Variants in LARGE1 observed in about 807,000 individuals in gnomAD.
LARGE1 encodes the protein LARGE xylosyl- and glucuronyltransferase 1.
In LARGE1, 43 loss-of-function variants were observed where a neutral mutation model predicts 87.6. The observed-to-expected ratio is 0.49, with a 90% CI of 0.38 to 0.63. The LOEUF is 0.63. Ranked by LOEUF, LARGE1 falls within the 30% of genes least tolerant of loss-of-function variation. LARGE1 has a pLI of 0.00. For synonymous variants in LARGE1, 434 were observed against 394.6 expected (o/e 1.10, Z -1.18); for missense variants, 802 against 1,000.2 (o/e 0.80, Z 2.67).
At chr22:33,891,141 T>C (rs1298732210) in intron 1 of LARGE1, among the ~76,000 whole-genome samples, 1 of 152,086 alleles carries the variant, frequency 6.6e-6, no homozygotes, top group Non-Finnish European at 1.5e-5. Flanking sequence ...GACCCCTCAT[T>C]TGAGAGTCAT....
intron 6 of LARGE1, among the ~76,000 whole-genome samples, chr22:33,527,914 G>A (rs1389521138): frequency 6.6e-6 from 1 of 152,120 alleles, no homozygotes; most frequent in Non-Finnish European, 1.5e-5. Context: ...GAACAACTTT[G>A]GTGCCAATGT....
chr22:33,554,611 G>C (rs1023400975), intron 6 of LARGE1, among the ~76,000 whole-genome samples: 2 of 151,962 alleles, frequency 1.3e-5, no homozygotes, highest in Non-Finnish European at 2.9e-5. Flanking sequence ...ATCCCGCTAC[G>C]GGCCACAGTG....
chr22:33,384,882 C>T lies in LARGE1; in HGVS notation c.893-578G>A, dbSNP rs545758455. On this transcript the variant is annotated intron_variant, in intron 7 of 14. Transcript: ENST00000397394. ...TTTCCCCAGAGATATGACCACCTACCTAGGTTGAGCTGATAGGTGGAATTT... is the reference window on the plus strand; with the variant it reads ...TTTCCCCAGAGATATGACCACCTACTTAGGTTGAGCTGATAGGTGGAATTT... Among the ~76,000 whole-genome samples, 41 of 148,936 alleles carry T rather than the reference C, an allele frequency of 2.8e-4. 2 individuals are homozygous for T. Among genetic ancestry groups the T allele is most frequent in the African/African-American group, 9.7e-4 (40 of 41,110 alleles).
At chr22:33,584,935 G>A (rs2078626703) in intron 5 of LARGE1, among the ~76,000 whole-genome samples, 1 of 152,146 alleles carries the variant, frequency 6.6e-6, no homozygotes, top group South Asian at 2.1e-4. Flanking sequence ...TGGCCAACAT[G>A]GTGAAACCCT....
intron 11 of LARGE1, among the ~76,000 whole-genome samples, chr22:33,252,256 C>CCA (rs1414166630): frequency 7.2e-6 from 1 of 138,712 alleles, no homozygotes; most frequent in Non-Finnish European, 1.6e-5. Flanking sequence ...TTCATTCCCC[C>CCA]CCCCCCCGCC....
At chr22:33,585,958 C>T (rs1294346514) in intron 5 of LARGE1, among the ~76,000 whole-genome samples, 2 of 152,214 alleles carry the variant, frequency 1.3e-5, no homozygotes, top group African/African-American at 4.8e-5. Context: ...CTCGGCCTCC[C>T]GAAGTGCTGG....
At chr22:33,364,406 C>T (rs1030814622) in intron 9 of LARGE1, among the ~76,000 whole-genome samples, 4 of 152,026 alleles carry the variant, frequency 2.6e-5, no homozygotes, top group African/African-American at 7.2e-5. Flanking sequence ...TTTTTCAATC[C>T]CGTTCCGCGT....
At chr22:33,677,598 G>T (rs1367523136) in intron 2 of LARGE1, among the ~76,000 whole-genome samples, 1 of 152,008 alleles carries the variant, frequency 6.6e-6, no homozygotes, top group Non-Finnish European at 1.5e-5. Context: ...TCAGTCAGAA[G>T]CCTAAGGGTT....
chr22:33,354,537 T>A (rs1940710551), intron 9 of LARGE1, among the ~76,000 whole-genome samples: 1 of 152,222 alleles, frequency 6.6e-6, no homozygotes, highest in Non-Finnish European at 1.5e-5. Flanking sequence ...AACCTATCGA[T>A]GACATTAAGT....
chr22:33,493,127 A>G (rs1268477169), intron 6 of LARGE1, among the ~76,000 whole-genome samples: 1 of 151,206 alleles, frequency 6.6e-6, no homozygotes, highest in Non-Finnish European at 1.5e-5. Context: ...TCTCTATCCA[A>G]ATGGATAGCT....
intron 6 of LARGE1, among the ~76,000 whole-genome samples, chr22:33,439,370 T>C (rs1293266681): frequency 6.6e-6 from 1 of 152,172 alleles, no homozygotes; most frequent in East Asian, 1.9e-4. Context: ...GACTGGACTC[T>C]GCAAAATTTG....
At chr22:33,124,589 T>C in the LARGE1 span, among the ~76,000 whole-genome samples, 2 of 152,174 alleles carry the variant, frequency 1.3e-5, no homozygotes, top group Non-Finnish European at 2.9e-5. Context: ...CATCTCTCAC[T>C]ATCTCACCAA....
chr22:33,916,109 C>T (rs184392660), intron 1 of LARGE1, among the ~76,000 whole-genome samples: 28 of 152,182 alleles, frequency 1.8e-4, no homozygotes, highest in African/African-American at 5.8e-4. Context: ...GGTGAAACCC[C>T]GCCTCTACTA....
intron 6 of LARGE1, among the ~76,000 whole-genome samples, chr22:33,442,953 G>A (rs1020598079): frequency 7.2e-5 from 11 of 151,938 alleles, no homozygotes; most frequent in African/African-American, 2.7e-4. Context: ...CACCACATCC[G>A]GCTAATTTTT....
intron 6 of LARGE1, among the ~76,000 whole-genome samples, chr22:33,446,784 G>A (rs1259727328): frequency 6.6e-6 from 1 of 152,334 alleles, no homozygotes; most frequent in Middle Eastern, 3.4e-3. Context: ...CCATCCTGCT[G>A]TATGACACCA....
chr22:33,113,358 C>T, the LARGE1 span, among the ~76,000 whole-genome samples: 2 of 152,172 alleles, frequency 1.3e-5, no homozygotes, highest in African/African-American at 4.8e-5. Flanking sequence ...CAGGCATGTG[C>T]CACCACGCCT....
intron 6 of LARGE1, among the ~76,000 whole-genome samples, chr22:33,539,670 G>T (rs1004447649): frequency 2.3e-4 from 34 of 150,990 alleles, no homozygotes; most frequent in Non-Finnish European, 4.9e-4. Context: ...GCTCACTGCA[G>T]CCTCAAATTT....
At chr22:33,595,566 A>G (rs1483904852) in intron 5 of LARGE1, among the ~76,000 whole-genome samples, 3 of 152,232 alleles carry the variant, frequency 2.0e-5, no homozygotes, top group African/African-American at 7.2e-5. Context: ...TTAAGGGTCA[A>G]CTGTCACCTA....
the LARGE1 span, among the ~76,000 whole-genome samples, chr22:33,075,731 A>G: frequency 6.6e-6 from 1 of 152,174 alleles, no homozygotes; most frequent in African/African-American, 2.4e-5. Flanking sequence ...TGAGTAATTA[A>G]ATCTATAATT....
Sources: gnomAD v4.1 joint callset for allele counts (sites outside exome capture counted in the v4.1 genomes callset) on GRCh38, gnomAD v4.1.1 for gene constraint, MANE v1.5 for transcripts, NCBI Gene and HGNC (gene_info 2026-07-23, HGNC 2026-07-21) for gene names.